Variants in XKR9 observed in about 807,000 individuals in gnomAD.
XKR9 encodes XK-related protein 9.
XKR9 carries 32 observed loss-of-function variants against 32.0 expected under a neutral mutation model. That is an observed-to-expected ratio of 1.00 (90% CI 0.76 to 1.34). The LOEUF (loss-of-function observed/expected upper bound fraction) is 1.34. Ranked by LOEUF, XKR9 falls within the 40% of genes most tolerant of loss-of-function variation. XKR9 has a pLI of 0.00. For synonymous variants in XKR9, 168 were observed against 143.4 expected (o/e 1.17, Z -1.22); for missense variants, 546 against 429.7 (o/e 1.27, Z -2.39).
At chr8:71,037,404 A>G in the XKR9 span, among the ~76,000 whole-genome samples, 2 of 152,214 alleles carry the variant, frequency 1.3e-5, no homozygotes, top group Admixed American at 1.3e-4. Flanking sequence ...GCAAACTAGT[A>G]GTTAGTTATC....
chr8:71,049,428 C>CTA, the XKR9 span, among the ~76,000 whole-genome samples: 2 of 152,294 alleles, frequency 1.3e-5, no homozygotes, highest in East Asian at 3.9e-4. Flanking sequence ...TGACTCCCTA[C>CTA]TACGCTATGA....
the XKR9 span, among the ~76,000 whole-genome samples, chr8:70,942,333 T>A: frequency 6.6e-6 from 1 of 152,244 alleles, no homozygotes; most frequent in South Asian, 2.1e-4. Context: ...CTAGGAACAT[T>A]TCCATGATCT....
At chr8:70,787,178 TG>T (rs1476010822) in intron 2 of XKR9, among the ~76,000 whole-genome samples, 1 of 152,174 alleles carries the variant, frequency 6.6e-6, no homozygotes, top group African/African-American at 2.4e-5. Context: ...ATCTCCATGT[TG>T]TAGCCAAATG....
chr8:71,023,612 G>A, the XKR9 span, among the ~76,000 whole-genome samples: 1 of 152,112 alleles, frequency 6.6e-6, no homozygotes. Context: ...TTAGGTGCTG[G>A]TAGTGACAGT....
rs770786913 is a variant in XKR9, at chr8:70,734,451, T to C, written c.*27T>C. 1 of 1,469,142 alleles carries C rather than the reference T, an allele frequency of 6.8e-7. No homozygotes were observed. Among genetic ancestry groups the C allele is most frequent in the Non-Finnish European group, 8.9e-7 (1 of 1,121,188 alleles). The allele number at this position is 1,469,142 out of a possible 1,614,324, so 91.0% of individuals were successfully genotyped here. On this transcript the variant is annotated 3_prime_UTR_variant, in exon 5 of 5. Coordinates refer to ENST00000408926, the MANE Select transcript of XKR9 (RefSeq NM_001011720.2). ...CTATTCATTTATGATATATATTTTC[T>C]TATATTTTGTTTCATTGGTTAGTAA...
At chr8:70,853,700 C>T in the XKR9 span, among the ~76,000 whole-genome samples, 2 of 152,076 alleles carry the variant, frequency 1.3e-5, no homozygotes, top group Admixed American at 1.3e-4. Flanking sequence ...ACAACAGGCC[C>T]TGGTGTGTGA....
intron 2 of XKR9, among the ~76,000 whole-genome samples, chr8:70,676,239 AG>A (rs1254518995): frequency 1.3e-5 from 2 of 152,220 alleles, no homozygotes. Context: ...CACTATCGTG[AG>A]GACAGCACCA....
rs1449999583 is a variant in XKR9 at position 70,706,877 on chromosome 8, CA to C, written c.273-55del. 7 of 1,400,312 alleles carry C rather than the reference CA, an allele frequency of 5.0e-6. 1 individual carries two copies. The Admixed American group carries it at 1.4e-4, about 29-fold the overall frequency. 86.7% of individuals were successfully genotyped at this position (1,400,312 alleles called of 1,614,324 possible). On this transcript the variant is annotated intron_variant, in intron 3 of 4. Transcript: ENST00000408926. The stretch of plus-strand genomic sequence containing the variant: ...TTTTCCAAATTATTATGTGTATTAA[CA>C]GACATGTTACAAAGAATATAAAACT...
At chr8:70,741,652 T>C (rs557815899) in intron 2 of XKR9, among the ~76,000 whole-genome samples, 180 of 152,294 alleles carry the variant, frequency 1.2e-3, no homozygotes, top group African/African-American at 4.2e-3. Flanking sequence ...GATGAATGGA[T>C]TGATGAATGG....
chr8:70,984,372 C>G, the XKR9 span, among the ~76,000 whole-genome samples: 1 of 152,226 alleles, frequency 6.6e-6, no homozygotes, highest in Non-Finnish European at 1.5e-5. Flanking sequence ...TTCTGATCAT[C>G]TCTGTTCTCT....
the XKR9 span, among the ~76,000 whole-genome samples, chr8:70,883,334 T>G: frequency 0.32 from 48,389 of 151,954 alleles, 9,009 homozygotes; most frequent in Non-Finnish European, 0.43. Context: ...TGAGTAGTAT[T>G]CCTTGGTGTA....
chr8:70,920,482 T>C, the XKR9 span, among the ~76,000 whole-genome samples: 9 of 152,182 alleles, frequency 5.9e-5, no homozygotes, highest in Middle Eastern at 3.4e-3. Context: ...TATTTTTTGA[T>C]CATAAAAAAT....
At chr8:70,814,609 C>A in the XKR9 span, among the ~76,000 whole-genome samples, 1 of 151,896 alleles carries the variant, frequency 6.6e-6, no homozygotes. Context: ...ATAATAAAGG[C>A]CATATATGAC....
chr8:70,770,759 TC>T (rs1206875098), intron 2 of XKR9, among the ~76,000 whole-genome samples: 5 of 152,044 alleles, frequency 3.3e-5, no homozygotes, highest in Admixed American at 6.6e-5. Flanking sequence ...TGGACACCCC[TC>T]CCCCCACCAA....
the XKR9 span, among the ~76,000 whole-genome samples, chr8:70,933,462 A>G: frequency 1.3e-5 from 2 of 151,322 alleles, no homozygotes; most frequent in African/African-American, 2.4e-5. Context: ...CTTTCCTGGC[A>G]TAACGTACAT....
chr8:70,831,290 CAA>C, the XKR9 span, among the ~76,000 whole-genome samples: 8,516 of 104,478 alleles, frequency 0.082, 218 homozygotes, highest in South Asian at 0.14. Flanking sequence ...GACTCTGTCT[CAA>C]AAAAAAAAAA....
chr8:71,009,672 T>C, the XKR9 span, among the ~76,000 whole-genome samples: 3 of 152,278 alleles, frequency 2.0e-5, no homozygotes, highest in South Asian at 6.2e-4. Flanking sequence ...AGAAGAGTGC[T>C]GAGGGAAGCA....
the XKR9 span, among the ~76,000 whole-genome samples, chr8:70,823,269 G>T: frequency 4.6e-5 from 7 of 152,210 alleles, no homozygotes; most frequent in Admixed American, 2.0e-4. Flanking sequence ...TACATATTTG[G>T]CATAACTAAG....
the XKR9 span, among the ~76,000 whole-genome samples, chr8:71,046,214 A>G: frequency 1.3e-5 from 2 of 152,220 alleles, no homozygotes; most frequent in African/African-American, 4.8e-5. Context: ...ATTAAATATT[A>G]GGGAACCTTA....
Sources: allele counts gnomAD v4.1 joint callset (sites outside exome capture counted in the v4.1 genomes callset), GRCh38; gene constraint gnomAD v4.1.1; transcripts MANE v1.5; gene names NCBI Gene and HGNC (gene_info 2026-07-23, HGNC 2026-07-21).